The following HDAC7 variants were observed in gnomAD, a reference collection of about 807,000 sequenced individuals.
HDAC7 encodes histone deacetylase 7.
Under a neutral mutation model 115.5 loss-of-function variants are expected in HDAC7, and 26 were observed. That is an observed-to-expected ratio of 0.23 (90% confidence interval 0.16 to 0.31). The LOEUF (loss-of-function observed/expected upper bound fraction) is 0.31, where lower values mean the gene tolerates loss of function less well. Among genes scored for constraint, HDAC7 ranks in the 10% least tolerant of loss-of-function variants. HDAC7 has a pLI of 1.00. For missense variants in HDAC7, 1,068 were observed against 1,329.0 expected, an observed-to-expected ratio of 0.80 and a Z score of 3.05; for synonymous variants, 564 against 550.9, an observed-to-expected ratio of 1.02 and a Z score of -0.33.
At chr12:47,811,600 G>C (rs1173813585) in intron 1 of HDAC7, among the ~76,000 whole-genome samples, 1 of 152,184 alleles carries the variant, frequency 6.6e-6, no homozygotes, top group African/African-American at 2.4e-5. Flanking sequence ...TTATTTTTTA[G>C]TTTTTGCTGG....
At chr12:47,805,578 C>T (rs1944365055) in intron 1 of HDAC7, among the ~76,000 whole-genome samples, 1 of 152,150 alleles carries the variant, frequency 6.6e-6, no homozygotes, top group African/African-American at 2.4e-5. Context: ...AAGATGAAGG[C>T]TGGTGGTGAA....
intron 1 of HDAC7, among the ~76,000 whole-genome samples, chr12:47,816,703 AC>A (rs1944858845): frequency 6.8e-6 from 1 of 146,936 alleles, no homozygotes; most frequent in Non-Finnish European, 1.5e-5. Flanking sequence ...TGCCACCCCC[AC>A]CCCTGCCCCT....
rs1475182881 is a variant in HDAC7, at chr12:47,791,694, G to A, written c.1825C>T (p.Arg609Trp). 3.7e-6 allele frequency: 6 copies of A among 1,613,552 alleles called. No homozygotes were observed. The highest frequency in any genetic ancestry group is 2.2e-5 in the East Asian group (1 of 44,882). ...TGCAGCTCTTCCAGGGAGGCCTTCCGGCCTCGGAGACACTGAAAAGGGGAC... is the reference window on the plus strand; with the variant it reads ...TGCAGCTCTTCCAGGGAGGCCTTCCAGCCTCGGAGACACTGAAAAGGGGAC... ...LRSQCECLRG[R>W]KASLEELQSV... Residue 609 changes from arginine to tryptophan, a missense_variant, in exon 15 of 26, where the codon CGG (arginine) becomes TGG (tryptophan). Physicochemically the swap from Arg to Trp is moderately radical, Grantham distance 101. This residue lies in a region of HDAC7 where 618 missense variants were observed against 701.5 expected (regional missense o/e 0.88). Transcript: ENST00000080059.
chr12:47,814,177 G>C (rs1304743126), intron 1 of HDAC7, among the ~76,000 whole-genome samples: 2 of 152,188 alleles, frequency 1.3e-5, no homozygotes, highest in Non-Finnish European at 2.9e-5. Flanking sequence ...GGAGAGCCCA[G>C]CCAAAGGGCC....
Position 47,793,492 on chromosome 12 carries a change from G to A in HDAC7, c.1555C>T (p.Pro519Ser). Residue 519 changes from proline (P) to serine (S), a missense_variant, in exon 13 of 26, where the codon CCT becomes TCT. This residue lies in a region of HDAC7 where 618 missense variants were observed against 701.5 expected (regional missense o/e 0.88). Coordinates refer to ENST00000080059, the MANE Select transcript of HDAC7 (RefSeq NM_015401.5). This position sits in a 1 kb window ranked among gnomAD's most constrained non-coding sequence, Gnocchi z 4.5. ...LLPLAQGGHR[P>S]LSRAQSSPAA... Reference sequence around the variant, plus strand: ...GGGGAAGACTGAGCCCGGGACAGAGGCCGGTGCCCACCCTGGGCCAGAGGA... The same window carrying A: ...GGGGAAGACTGAGCCCGGGACAGAGACCGGTGCCCACCCTGGGCCAGAGGA... 1.9e-6 allele frequency: 3 copies of A among 1,550,254 alleles called. No individual in the cohort carries two copies. The highest frequency in any genetic ancestry group is 2.6e-6 in the Non-Finnish European group (3 of 1,147,456).
chr12:47,809,588 T>A (rs1229732352), intron 1 of HDAC7, among the ~76,000 whole-genome samples: 2 of 152,190 alleles, frequency 1.3e-5, no homozygotes, highest in African/African-American at 2.4e-5. Context: ...TTATTTATTT[T>A]GAGATGGAGT....
Position 47,798,037 on chromosome 12 carries a change from C to T in HDAC7, c.461+71G>A. ...GGGAGGAAGGAGGCAAGTGTGTGTG[C>T]TCATGGCTAACACGGGGGCGGGGGT... On this transcript the variant is annotated intron_variant, in intron 5 of 25. Transcript: ENST00000080059. The surrounding 1 kb of genome is among the most constrained non-coding windows in gnomAD (Gnocchi z 4.3). 2.7e-6 allele frequency: 3 copies of T among 1,095,462 alleles called. No homozygotes were observed. Among genetic ancestry groups the T allele is most frequent in the South Asian group, 2.5e-5 (2 of 80,470 alleles). The allele number at this position is 1,095,462 out of a possible 1,614,324, so 67.9% of individuals were successfully genotyped here. A position where few individuals can be genotyped will look rare whatever the true frequency, so the allele number is the denominator to read the frequency against.
In HDAC7 at chr12:47,791,279, G is replaced by A. The variant is rs1354066800; in HGVS notation, c.1963C>T (p.Leu655=). The change falls in exon 16 of 26, where the codon CTG becomes TTG. Residue 655 remains leucine (L), a synonymous_variant. Coordinates refer to ENST00000080059, the MANE Select transcript of HDAC7 (RefSeq NM_015401.5). The part of the protein sequence containing the change: ...GLLAQRMFVM[L]PCGGVGVDTD... ...CTTACCCCAACCCCACCACAGGGCAGCATCACAAACATCCGCTGTGCCAGG... is the reference window on the plus strand; with the variant it reads ...CTTACCCCAACCCCACCACAGGGCAACATCACAAACATCCGCTGTGCCAGG... 1 of 1,601,722 alleles carries A rather than the reference G, an allele frequency of 6.2e-7. No individual in the cohort carries two copies. The highest frequency in any genetic ancestry group is 8.5e-7 in the Non-Finnish European group (1 of 1,174,214).
chr12:47,786,684 C>T lies in HDAC7; in HGVS notation c.2473G>A (p.Ala825Thr). 1.2e-6 allele frequency: 2 copies of T among 1,613,766 alleles called. No homozygotes were observed. Among genetic ancestry groups the T allele is most frequent in the Non-Finnish European group, 1.7e-6 (2 of 1,179,714 alleles). Residue 825 changes from alanine to threonine, a missense_variant, in exon 22 of 26, where the codon GCC becomes ACC. This residue lies in a region of HDAC7 where 182 missense variants were observed against 301.1 expected (regional missense o/e 0.60). Coordinates refer to ENST00000080059, the MANE Select transcript of HDAC7 (RefSeq NM_015401.5). ...AAFRIVVMPI[A>T]REFSPDLVLV... ...ACTAGGTCTGGAGAGAACTCTCGGG[C>T]GATGGGCATCACGACTATCCTGTGA...
chr12:47,796,222 G>A lies in HDAC7; in HGVS notation c.780C>T (p.Pro260=). 1.2e-6 allele frequency: 2 copies of A among 1,608,638 alleles called. No individual in the cohort carries two copies. The highest frequency in any genetic ancestry group is 1.7e-6 in the Non-Finnish European group (2 of 1,178,512). Reference sequence around the variant, plus strand: ...AAGGCCTTACCTCCGAGCCCAGGATGGGATTGGGGCCGTGCTCGCTGTCAT... The same window carrying A: ...AAGGCCTTACCTCCGAGCCCAGGATAGGATTGGGGCCGTGCTCGCTGTCAT... ...SPNDSEHGPN[P]ILGSEALLGQ... is the part of the protein sequence containing the mutation. The change falls in exon 8 of 26, where the codon CCC becomes CCT. Residue 260 remains proline, a synonymous_variant. Coordinates refer to ENST00000080059, the MANE Select transcript of HDAC7 (RefSeq NM_015401.5).
At chr12:47,802,798 G>A (rs1944232117) in intron 1 of HDAC7, among the ~76,000 whole-genome samples, 1 of 152,118 alleles carries the variant, frequency 6.6e-6, no homozygotes, top group Non-Finnish European at 1.5e-5. Flanking sequence ...GAGCAGGAGG[G>A]GACACAGAGG....
At chr12:47,815,042 A>G (rs1283289432) in intron 1 of HDAC7, among the ~76,000 whole-genome samples, 1 of 152,218 alleles carries the variant, frequency 6.6e-6, no homozygotes, top group Non-Finnish European at 1.5e-5. Context: ...TTCACTGCAT[A>G]TCTGTACCCA....
Position 47,791,244 on chromosome 12 carries a change from C to A in HDAC7, c.1983+15G>T. 2 of 1,594,388 alleles carry A rather than the reference C, an allele frequency of 1.3e-6. No individual in the cohort carries two copies. The highest frequency in any genetic ancestry group is 2.3e-5 in the East Asian group (1 of 43,296). On this transcript the variant is annotated intron_variant, in intron 16 of 25. Transcript: ENST00000080059. ...GCCCTGGCAACGCCCCCCTGAGACC[C>A]CTGGGCACACTTACCCCAACCCCAC...
chr12:47,819,760 T>C lies in HDAC7; in HGVS notation c.19+7A>G, dbSNP rs1944969644. The C allele has an allele frequency of 4.7e-6, 4 of 843,442 alleles. No individual in the cohort carries two copies. The highest frequency in any genetic ancestry group is 5.8e-6 in the Non-Finnish European group (4 of 694,868). The allele number at this position is 843,442 out of a possible 1,614,324, so 52.2% of individuals were successfully genotyped here. The stretch of plus-strand genomic sequence containing the variant: ...GGCGGGGCGGGGGGCGGCCGCCCAG[T>C]ACTCACCAGCGCCGGGGCTGTGCAT... On this transcript the variant is annotated splice_region_variant and intron_variant, in intron 1 of 25. Transcript: ENST00000080059.
intron 7 of HDAC7, among the ~76,000 whole-genome samples, chr12:47,796,659 G>A (rs750532191): frequency 2.0e-5 from 3 of 152,030 alleles, no homozygotes; most frequent in Non-Finnish European, 2.9e-5. Context: ...CCTAACCTCA[G>A]GTGATTGACC....
Position 47,786,397 on chromosome 12 carries a change from G to A in HDAC7, c.2572+188C>T, listed in dbSNP as rs548074027. On this transcript the variant is annotated intron_variant, in intron 22 of 25. Coordinates refer to ENST00000080059, the MANE Select transcript of HDAC7 (RefSeq NM_015401.5). ...GGTGAACCGGCCTGGTCCTGAGAAA[G>A]GGCTTGGGCTGTGCTCGGCTAGGAG... is the stretch of plus-strand genomic sequence containing the variant. Among the ~76,000 whole-genome samples the A allele has an allele frequency of 2.0e-5, 3 of 152,360 alleles. No homozygotes were observed. In the South Asian group the frequency reaches 6.2e-4, roughly 32 times the overall value.
upstream of HDAC7, chr12:47,820,647 T>A (rs1369073789): frequency 1.3e-5 from 2 of 152,236 alleles, no homozygotes; most frequent in Non-Finnish European, 2.9e-5. The surrounding 1 kb of genome is among the most constrained non-coding windows in gnomAD (Gnocchi z 4.3). Flanking sequence ...TTTCTTTTTT[T>A]AAAGAAATTT....
intron 24 of HDAC7, chr12:47,785,045 C>T: frequency 1.8e-6 from 1 of 566,516 alleles, no homozygotes. Context: ...GTGGCCAGGA[C>T]TGAGGGGAGG....
intron 1 of HDAC7, among the ~76,000 whole-genome samples, chr12:47,814,050 G>A (rs961566257): frequency 2.0e-5 from 3 of 152,200 alleles, no homozygotes; most frequent in African/African-American, 7.2e-5. Context: ...GACCAGACAG[G>A]GGCATTTCCT....
Sources: gnomAD v4.1 joint callset for allele counts (sites outside exome capture counted in the v4.1 genomes callset) on GRCh38, gnomAD v4.1.1 for gene constraint, gnomAD v4.1.1 regional missense constraint, Gnocchi (gnomAD v3.1) non-coding constraint, MANE v1.5 for transcripts, NCBI Gene and HGNC (gene_info 2026-07-23, HGNC 2026-07-21) for gene names.